MACF1: variants seen among roughly 807,000 people sequenced by gnomAD.
MACF1 encodes the protein microtubule-actin cross-linking factor 1.
Under a neutral mutation model 854.8 loss-of-function variants are expected in MACF1, and 193 were observed. That is an observed-to-expected ratio of 0.23 (90% CI 0.20 to 0.25). The LOEUF (loss-of-function observed/expected upper bound fraction) is 0.25. Ranked by LOEUF, MACF1 falls within the 10% of genes least tolerant of loss-of-function variation. The probability of loss-of-function intolerance (pLI) is 1.00; values close to 1 mark genes in which losing one functional copy is unlikely to be tolerated. For missense variants in MACF1, 7,722 were observed against 8,929.1 expected (o/e 0.86, Z 5.45); for synonymous variants, 3,185 against 3,226.7 (o/e 0.99, Z 0.44).
intron 26 of MACF1, 130 bp downstream of exon 26, chr1:39,311,130 G>A: frequency 1.0e-6 from 1 of 981,436 alleles, no homozygotes; most frequent in Non-Finnish European, 1.5e-6. Flanking sequence ...AGTTCTTCTT[G>A]CAGTCTATAA....
Position 39,452,830 on chromosome 1 carries a change from T to A in MACF1, c.20742+18T>A, listed in dbSNP as rs1359163490. ...CCCATAAGGTAATCCAGCCTTGGGG[T>A]TTGGTGACCTCATGCTACCTACCAC... is the stretch of plus-strand genomic sequence containing the variant. On this transcript the variant is annotated intron_variant, in intron 87 of 100. Coordinates refer to ENST00000564288, the MANE Select transcript of MACF1 (RefSeq NM_001394062.1). 1.2e-6 allele frequency: 2 copies of A among 1,611,294 alleles called. No homozygotes were observed. The highest frequency in any genetic ancestry group is 1.7e-6 in the Non-Finnish European group (2 of 1,177,936).
At chr1:39,180,643 TTTC>T (rs879369934) in intron 2 of MACF1, among the ~76,000 whole-genome samples, 1 of 152,182 alleles carries the variant, frequency 6.6e-6, no homozygotes, top group Non-Finnish European at 1.5e-5. Flanking sequence ...GAAGATGTAC[TTTC>T]TTCTTTTGAT....
At chr1:39,221,715 A>G (rs928401953) in intron 1 of MACF1, among the ~76,000 whole-genome samples, 1 of 152,174 alleles carries the variant, frequency 6.6e-6, no homozygotes, top group African/African-American at 2.4e-5. Flanking sequence ...TTGCATGACA[A>G]CGTAGAGGTA....
At chr1:39,111,835 AT>A (rs1642415055) in intron 2 of MACF1, among the ~76,000 whole-genome samples, 1 of 151,922 alleles carries the variant, frequency 6.6e-6, no homozygotes, top group African/African-American at 2.4e-5. Context: ...CTGATGAAAT[AT>A]TTTTTTCTTC....
At position 39,334,594 on chromosome 1, in the gene MACF1, C is replaced by G. The variant is rs766137239; in HGVS notation, c.8006C>G (p.Ala2669Gly). 1.9e-6 allele frequency: 3 copies of G among 1,613,936 alleles called. No individual in the cohort carries two copies. The African/African-American group carries it at 4.0e-5, about 22-fold the overall frequency. The stretch of plus-strand genomic sequence containing the variant: ...GACAAAGTGCTTACATTGTCTCAAG[C>G]AATTCAGCTTGGAAAAGTAGACTTT... ...VSDKVLTLSQ[A>G]IQLGKVDFAS... The change falls in exon 37 of 101, where the codon GCA becomes GGA. Residue 2669 changes from alanine (A) to glycine (G), a missense_variant. Around this residue, in one of 15 missense-constraint regions of MACF1, gnomAD observed 1,531 missense variants for 1,601.6 expected, o/e 0.96. Transcript: ENST00000564288.
chr1:39,119,077 G>C (rs978310084), intron 2 of MACF1, among the ~76,000 whole-genome samples: 3 of 152,118 alleles, frequency 2.0e-5, no homozygotes, highest in African/African-American at 7.2e-5. Flanking sequence ...CCAGCACTTT[G>C]GGAGGCCAAG....
chr1:39,417,348 GA>G (rs144172969), intron 58 of MACF1, among the ~76,000 whole-genome samples: 24,267 of 151,982 alleles, frequency 0.16, 2,423 homozygotes, highest in Middle Eastern at 0.22. Flanking sequence ...TTCAAAGGAA[GA>G]AAAAAACCTT....
At chr1:39,440,666 A>G (rs143840605) in intron 72 of MACF1, among the ~76,000 whole-genome samples, 1 of 152,076 alleles carries the variant, frequency 6.6e-6, no homozygotes, top group African/African-American at 2.4e-5. Flanking sequence ...TGTGACTTGT[A>G]CTGTGTTATT....
intron 2 of MACF1, among the ~76,000 whole-genome samples, chr1:39,232,868 A>G (rs183924015): frequency 8.6e-5 from 13 of 150,730 alleles, no homozygotes; most frequent in Non-Finnish European, 1.6e-4. Flanking sequence ...CTGCAGCCCT[A>G]ACCTCCTGGG....
chr1:39,283,431 T>C lies in MACF1; in HGVS notation c.831T>C (p.Asp277=). ...DAEDVDVPSP[D]EKSVITYVSS... ...CAGATGTGGATGTGCCATCTCCAGA[T>C]GAAAAGTCTGTAATCACTTATGTGT... is the stretch of plus-strand genomic sequence containing the variant. Residue 277 remains aspartate, a synonymous_variant, in exon 9 of 101, where the codon GAT becomes GAC. Transcript: ENST00000564288. The surrounding 1 kb of genome is among the most constrained non-coding windows in gnomAD (Gnocchi z 4.5). 6.2e-7 allele frequency: 1 copy of C among 1,612,304 alleles called. No individual in the cohort carries two copies. The highest frequency in any genetic ancestry group is 8.5e-7 in the Non-Finnish European group (1 of 1,178,282).
intron 2 of MACF1, among the ~76,000 whole-genome samples, chr1:39,116,507 A>T (rs1227138091): frequency 6.6e-6 from 1 of 152,064 alleles, no homozygotes; most frequent in Non-Finnish European, 1.5e-5. Context: ...TTGATCTAGG[A>T]TCAGAATTTT....
chr1:39,461,863 A>G lies in MACF1; in HGVS notation c.21524-20A>G, dbSNP rs757538205. The G allele has an allele frequency of 7.5e-6, 12 of 1,606,786 alleles. No individual in the cohort carries two copies. Among genetic ancestry groups the G allele is most frequent in the Admixed American group, 3.4e-5 (2 of 59,086 alleles). On this transcript the variant is annotated intron_variant, in intron 92 of 100. Coordinates refer to ENST00000564288, the MANE Select transcript of MACF1 (RefSeq NM_001394062.1). ...CAAGTACCCCTCTTAATGTTTCAAA[A>G]TATGATTCCTTTTCTCCAGAGTTCC...
Position 39,388,162 on chromosome 1 carries a change from T to C in MACF1, c.15320T>C (p.Val5107Ala). Residue 5107 changes from valine to alanine, a missense_variant, in exon 58 of 101, where the codon GTG becomes GCG. By Grantham distance (64) the Val-to-Ala change is moderately conservative (BLOSUM62 0). This residue lies in a region of MACF1 where 2,807 missense variants were observed against 3,235.8 expected (regional missense o/e 0.87). Coordinates refer to ENST00000564288, the MANE Select transcript of MACF1 (RefSeq NM_001394062.1). Reference sequence around the variant, plus strand: ...GAGTTCCTCGAAGTTAAGCAAAGAGTGAACAGTGGTTGTGTGATGATGGAA... The same window carrying C: ...GAGTTCCTCGAAGTTAAGCAAAGAGCGAACAGTGGTTGTGTGATGATGGAA... Reference protein sequence around the residue: ...QQEFLEVKQRVNSGCVMMENK... With the variant: ...QQEFLEVKQRANSGCVMMENK... The C allele has an allele frequency of 6.2e-7, 1 of 1,613,830 alleles. No individual in the cohort carries two copies.
At chr1:39,403,844 G>C (rs965476935) in intron 58 of MACF1, among the ~76,000 whole-genome samples, 7 of 151,966 alleles carry the variant, frequency 4.6e-5, no homozygotes, top group African/African-American at 7.3e-5. Context: ...TTTTGGGCGG[G>C]GGGGCCGGGC....
intron 91 of MACF1, chr1:39,459,906 T>C: frequency 8.8e-7 from 1 of 1,141,916 alleles, no homozygotes; most frequent in Non-Finnish European, 1.2e-6. Flanking sequence ...CTTGGTGCTT[T>C]TTTCCCCCAT....
At chr1:39,418,803 C>T (rs1335562169) in intron 58 of MACF1, among the ~76,000 whole-genome samples, 1 of 151,630 alleles carries the variant, frequency 6.6e-6, no homozygotes, top group Non-Finnish European at 1.5e-5. Flanking sequence ...GCAGAGGTTG[C>T]AGTGAGCTGA....
In MACF1 at chr1:39,116,459, C is replaced by T. The variant is rs940114022; in HGVS notation, c.220+32021C>T. Among the ~76,000 whole-genome samples the T allele has an allele frequency of 3.3e-5, 5 of 152,006 alleles. No homozygotes were observed. The East Asian group carries it at 9.7e-4, about 29-fold the overall frequency. On this transcript the variant is annotated intron_variant, in intron 2 of 93. Coordinates refer to the MACF1 transcript ENST00000361689. ...TCCCTCTAGCCCTAGAAGCACTCAA[C>T]AACCTGATTGTAATAGATTCCAAGG...
chr1:39,423,271 A>T (rs1239328589), intron 60 of MACF1, among the ~76,000 whole-genome samples: 1 of 151,510 alleles, frequency 6.6e-6, no homozygotes, highest in East Asian at 1.9e-4. Context: ...TTTTCTTTTT[A>T]AAAAAAATTT....
chr1:39,386,675 C>T (rs1259851416), intron 57 of MACF1, among the ~76,000 whole-genome samples: 1 of 152,182 alleles, frequency 6.6e-6, no homozygotes, highest in Non-Finnish European at 1.5e-5. Flanking sequence ...CGTGATCTGC[C>T]CGCCTTGGCC....
Sources: gnomAD v4.1 joint callset for allele counts (sites outside exome capture counted in the v4.1 genomes callset) on GRCh38, gnomAD v4.1.1 for gene constraint, gnomAD v4.1.1 regional missense constraint, Gnocchi (gnomAD v3.1) non-coding constraint, MANE v1.5 for transcripts, NCBI Gene and HGNC (gene_info 2026-07-23, HGNC 2026-07-21) for gene names.